LRRTM3: variants seen among roughly 807,000 people sequenced by gnomAD.
LRRTM3 encodes the protein leucine rich repeat transmembrane neuronal 3, also known as leucine-rich repeat transmembrane neuronal protein 3.
A neutral mutation model predicts 44.7 loss-of-function variants in LRRTM3; 24 were observed. The ratio of observed to expected loss-of-function variants is 0.54; its 90% confidence interval spans 0.39 to 0.76. The LOEUF is 0.76. Ranked by LOEUF, LRRTM3 falls within the 30% of genes least tolerant of loss-of-function variation. The pLI is 0.00. For synonymous variants in LRRTM3, 277 were observed against 278.7 expected (o/e 0.99, Z 0.06); for missense variants, 587 against 702.2 (o/e 0.84, Z 1.85).
At chr10:67,057,157 T>C (rs1250479026) in intron 2 of LRRTM3, among the ~76,000 whole-genome samples, 1 of 152,202 alleles carries the variant, frequency 6.6e-6, no homozygotes, top group Non-Finnish European at 1.5e-5. Flanking sequence ...TGAGATATAA[T>C]TGACAAATAG....
At chr10:67,068,945 A>C (rs1215982168) in intron 2 of LRRTM3, among the ~76,000 whole-genome samples, 1 of 152,174 alleles carries the variant, frequency 6.6e-6, no homozygotes, top group Non-Finnish European at 1.5e-5. Flanking sequence ...CTGTAATCCC[A>C]GCTACTCAGG....
chr10:67,033,847 C>T (rs1173375469), intron 2 of LRRTM3, among the ~76,000 whole-genome samples: 1 of 151,938 alleles, frequency 6.6e-6, no homozygotes, highest in African/African-American at 2.4e-5. Flanking sequence ...CTCAGCTCAC[C>T]GCAACCTCTG....
At position 67,025,821 on chromosome 10, in the gene LRRTM3, C is replaced by T. The variant is rs537179197; in HGVS notation, c.1537-71766C>T. On this transcript the variant is annotated intron_variant, in intron 2 of 2. Transcript: ENST00000361320. ...GACACATGCACACGTATGATTATTGCGGCACTATTCACAATAGCAAAGACT... is the reference window on the plus strand; with the variant it reads ...GACACATGCACACGTATGATTATTGTGGCACTATTCACAATAGCAAAGACT... Among the ~76,000 whole-genome samples the T allele has an allele frequency of 5.9e-5, 9 of 151,738 alleles. No individual in the cohort carries two copies. The South Asian group carries it at 8.3e-4, about 14-fold the overall frequency.
intron 2 of LRRTM3, among the ~76,000 whole-genome samples, chr10:66,982,475 C>T (rs2042562492): frequency 1.3e-5 from 2 of 152,092 alleles, no homozygotes; most frequent in African/African-American, 4.8e-5. Flanking sequence ...GTAAAGCACC[C>T]AGGACAATGT....
At chr10:67,091,306 T>A (rs909920479) in intron 2 of LRRTM3, among the ~76,000 whole-genome samples, 2 of 151,996 alleles carry the variant, frequency 1.3e-5, no homozygotes, top group Non-Finnish European at 2.9e-5. Flanking sequence ...TTTCTTTAAG[T>A]AAATTGAGAA....
intron 2 of LRRTM3, among the ~76,000 whole-genome samples, chr10:66,966,485 AT>A (rs35922630): frequency 0.49 from 73,275 of 150,598 alleles, 18,081 homozygotes; most frequent in East Asian, 0.65. Context: ...TATGTAATAT[AT>A]TTTTTTTTTC....
chr10:67,067,602 A>G (rs561178231), intron 2 of LRRTM3, among the ~76,000 whole-genome samples: 47 of 152,230 alleles, frequency 3.1e-4, no homozygotes, highest in Non-Finnish European at 4.1e-4. Context: ...CTTATCTAAT[A>G]AAAAGAATCT....
intron 2 of LRRTM3, among the ~76,000 whole-genome samples, chr10:66,977,065 T>C (rs1850079004): frequency 6.6e-6 from 1 of 152,178 alleles, no homozygotes; most frequent in African/African-American, 2.4e-5. Flanking sequence ...TCTAAAATAA[T>C]GACCTAATAT....
At chr10:66,974,033 A>T (rs1348103916) in intron 2 of LRRTM3, among the ~76,000 whole-genome samples, 1 of 152,240 alleles carries the variant, frequency 6.6e-6, no homozygotes, top group Non-Finnish European at 1.5e-5. Context: ...ACCACCACAC[A>T]AATCAAGATA....
intron 2 of LRRTM3, among the ~76,000 whole-genome samples, chr10:66,987,435 G>A (rs1850793026): frequency 6.6e-6 from 1 of 152,118 alleles, no homozygotes; most frequent in Non-Finnish European, 1.5e-5. Context: ...AATCAGAAAG[G>A]AGTCAAAAAA....
rs116774068 is a variant in LRRTM3 at position 66,957,773 on chromosome 10, T to A, written c.1536+29321T>A. ...CTAAGGCAGAAGACAAGGGGAAAAT[T>A]TGCTAGAACTGCTGAAAAGTGTGCT... On this transcript the variant is annotated intron_variant, in intron 2 of 2. Transcript: ENST00000361320. Among the ~76,000 whole-genome samples, 844 of 151,994 alleles carry A rather than the reference T, an allele frequency of 5.6e-3. 9 individuals are homozygous for A. Among genetic ancestry groups the A allele is most frequent in the African/African-American group, 0.019 (799 of 41,446 alleles).
intron 2 of LRRTM3, among the ~76,000 whole-genome samples, chr10:67,087,879 A>G (rs1047680951): frequency 3.3e-5 from 5 of 152,088 alleles, no homozygotes; most frequent in Non-Finnish European, 7.4e-5. Context: ...AAATACACAT[A>G]TAGTGCTTAA....
intron 2 of LRRTM3, among the ~76,000 whole-genome samples, chr10:67,067,717 A>C (rs1217636068): frequency 6.6e-6 from 1 of 152,228 alleles, no homozygotes; most frequent in Non-Finnish European, 1.5e-5. Flanking sequence ...ATAGATTCAG[A>C]CTAAGCTCAA....
In LRRTM3 at chr10:66,927,075, G is replaced by T; in HGVS notation, c.159G>T (p.Gln53His). Residue 53 changes from glutamine to histidine, a missense_variant, in exon 2 of 3, where the codon CAG becomes CAT. By Grantham distance (24) the Gln-to-His change is conservative. Around this residue, in one of 3 missense-constraint regions of LRRTM3, gnomAD observed 222 missense variants for 323.3 expected, o/e 0.69. Transcript: ENST00000361320. The surrounding 1 kb of genome is among the most constrained non-coding windows in gnomAD (Gnocchi z 4.7). ...KMVYCESQKL[Q>H]EIPSSISAGC... The stretch of plus-strand genomic sequence containing the variant: ...TATATTGTGAATCTCAGAAATTACA[G>T]GAGATACCCTCAAGTATATCTGCTG... 1 of 1,614,176 alleles carries T rather than the reference G, an allele frequency of 6.2e-7. No homozygotes were observed. Among genetic ancestry groups the T allele is most frequent in the African/African-American group, 1.3e-5 (1 of 75,056 alleles).
chr10:67,088,815 T>C (rs537560300), intron 2 of LRRTM3, among the ~76,000 whole-genome samples: 4 of 152,216 alleles, frequency 2.6e-5, no homozygotes, highest in East Asian at 1.9e-4. Context: ...CAAATTTATA[T>C]TGAGTTCCTG....
rs915411035 is a variant in LRRTM3, at chr10:66,932,792, T to C, written c.1536+4340T>C. Among the ~76,000 whole-genome samples the C allele has an allele frequency of 2.6e-5, 4 of 152,292 alleles. No individual in the cohort carries two copies. The South Asian group carries it at 8.3e-4, about 32-fold the overall frequency. ...CCCAAATTCTTTTAGCCTCCAAAAGTTGGTGATGATTTTGGATACTTAATA... is the reference window on the plus strand; with the variant it reads ...CCCAAATTCTTTTAGCCTCCAAAAGCTGGTGATGATTTTGGATACTTAATA... On this transcript the variant is annotated intron_variant, in intron 2 of 2. Coordinates refer to ENST00000361320, the MANE Select transcript of LRRTM3 (RefSeq NM_178011.5).
At chr10:67,007,599 T>A (rs998653598) in intron 2 of LRRTM3, among the ~76,000 whole-genome samples, 3 of 151,980 alleles carry the variant, frequency 2.0e-5, no homozygotes, top group African/African-American at 7.2e-5. Flanking sequence ...CCTGAAAACA[T>A]AAGGTAAAGG....
chr10:66,947,623 A>T (rs1848340275), intron 2 of LRRTM3, among the ~76,000 whole-genome samples: 1 of 152,198 alleles, frequency 6.6e-6, no homozygotes, highest in African/African-American at 2.4e-5. Context: ...CTAGGACTTC[A>T]TAATTTGTAT....
intron 2 of LRRTM3, among the ~76,000 whole-genome samples, chr10:67,025,330 CA>C (rs200578879): frequency 3.0e-4 from 42 of 138,416 alleles, no homozygotes; most frequent in Admixed American, 4.3e-4. Flanking sequence ...TAAGCCCATG[CA>C]AAAAAAAAAA....
Sources: allele counts gnomAD v4.1 joint callset (sites outside exome capture counted in the v4.1 genomes callset), GRCh38; gene constraint gnomAD v4.1.1; regional missense constraint gnomAD v4.1.1; non-coding constraint Gnocchi (gnomAD v3.1); transcripts MANE v1.5; gene names NCBI Gene and HGNC (gene_info 2026-07-23, HGNC 2026-07-21).